Variants in RANBP17 observed in about 807,000 individuals in gnomAD.
RANBP17 encodes RAN binding protein 17, also known as ran-binding protein 17.
A neutral mutation model predicts 141.2 loss-of-function variants in RANBP17; 158 were observed. The observed-to-expected ratio is 1.12, with a 90% CI of 0.98 to 1.28. The LOEUF is 1.28. Ranked by LOEUF, RANBP17 falls within the 50% of genes most tolerant of loss-of-function variation. The pLI is 0.00. For missense variants in RANBP17, 1,438 were observed against 1,290.7 expected, an observed-to-expected ratio of 1.11 and a Z score of -1.75; for synonymous variants, 430 against 450.0, an observed-to-expected ratio of 0.96 and a Z score of 0.56.
chr5:171,218,478 T>C (rs892646858), intron 21 of RANBP17, among the ~76,000 whole-genome samples: 6 of 152,320 alleles, frequency 3.9e-5, no homozygotes, highest in African/African-American at 1.2e-4. Flanking sequence ...CTGTCTAATA[T>C]TGACAGTGGG....
intron 1 of RANBP17, among the ~76,000 whole-genome samples, chr5:170,875,615 A>G (rs891265058): frequency 2.0e-5 from 3 of 152,154 alleles, no homozygotes; most frequent in South Asian, 2.1e-4. Context: ...ATACTTGTGT[A>G]TGCTTCACAA....
intron 18 of RANBP17, among the ~76,000 whole-genome samples, chr5:171,194,584 A>G (rs1398184326): frequency 6.6e-6 from 1 of 152,146 alleles, no homozygotes; most frequent in Non-Finnish European, 1.5e-5. Flanking sequence ...TGGATGTGCC[A>G]TATTTTGTTT....
intron 14 of RANBP17, among the ~76,000 whole-genome samples, chr5:171,129,707 T>C (rs571234438): frequency 1.2e-4 from 19 of 152,310 alleles, no homozygotes; most frequent in African/African-American, 4.1e-4. Flanking sequence ...TTATAGAGAA[T>C]TTTCTCTTCA....
intron 26 of RANBP17, 37 bp downstream of exon 26, chr5:171,294,018 C>T (rs778149437): frequency 6.9e-7 from 1 of 1,453,848 alleles, no homozygotes; most frequent in East Asian, 2.3e-5. Flanking sequence ...GAGGTGGTCC[C>T]TGGGAGAAGA....
At chr5:171,252,015 T>G (rs914630537) in intron 24 of RANBP17, 3 of 1,607,774 alleles carry the variant, frequency 1.9e-6, no homozygotes, top group Non-Finnish European at 2.6e-6. Context: ...AAACAGTTCT[T>G]GCATAGAAGA....
chr5:171,132,379 T>C (rs527781985), intron 14 of RANBP17, among the ~76,000 whole-genome samples: 15 of 146,922 alleles, frequency 1.0e-4, no homozygotes, highest in African/African-American at 3.5e-4. Context: ...CTTTAGTTGT[T>C]TTTTTTTTTT....
intron 5 of RANBP17, chr5:170,904,084 TG>T: frequency 4.6e-6 from 2 of 437,520 alleles, no homozygotes; most frequent in South Asian, 4.2e-5. Flanking sequence ...TGTGTGCTCA[TG>T]GTTAGAGGAA....
At chr5:171,008,560 G>A (rs1395702041) in intron 14 of RANBP17, among the ~76,000 whole-genome samples, 1 of 152,220 alleles carries the variant, frequency 6.6e-6, no homozygotes, top group Non-Finnish European at 1.5e-5. Context: ...ACAGGTTTTG[G>A]GATAGGCAGT....
chr5:171,147,339 T>TGTGTGTG (rs1554105339), intron 14 of RANBP17, among the ~76,000 whole-genome samples: 15 of 104,850 alleles, frequency 1.4e-4, no homozygotes, highest in Non-Finnish European at 2.8e-4. Flanking sequence ...CTTGGTTGTT[T>TGTGTGTG]TGTGTGTGTG....
chr5:171,091,443 G>A (rs1157989228), intron 14 of RANBP17, among the ~76,000 whole-genome samples: 2 of 152,148 alleles, frequency 1.3e-5, no homozygotes, highest in Non-Finnish European at 2.9e-5. Context: ...TAGGCAGAAG[G>A]GTCTTGTCTC....
At chr5:171,104,333 G>C (rs1787393608) in intron 14 of RANBP17, among the ~76,000 whole-genome samples, 1 of 152,076 alleles carries the variant, frequency 6.6e-6, no homozygotes, top group Non-Finnish European at 1.5e-5. Flanking sequence ...CACCGCGCCT[G>C]GCCTGTCCTC....
chr5:170,898,317 C>T (rs945012833), intron 5 of RANBP17, among the ~76,000 whole-genome samples: 5 of 152,082 alleles, frequency 3.3e-5, no homozygotes, highest in Admixed American at 6.5e-5. Flanking sequence ...TTGTTGGCCA[C>T]ATAAGTGTCG....
intron 14 of RANBP17, among the ~76,000 whole-genome samples, chr5:171,006,489 C>T (rs1023250120): frequency 3.9e-5 from 6 of 152,014 alleles, no homozygotes; most frequent in African/African-American, 9.7e-5. Context: ...AGCAAACTAT[C>T]GCAAGGACAA....
intron 14 of RANBP17, among the ~76,000 whole-genome samples, chr5:171,055,592 G>T (rs533482698): frequency 6.6e-6 from 1 of 151,998 alleles, no homozygotes; most frequent in South Asian, 2.1e-4. Context: ...TCATAAAGCT[G>T]AGCCTAACCA....
chr5:171,266,723 C>T lies in RANBP17; in HGVS notation c.2943+876C>T, dbSNP rs575521382. Among the ~76,000 whole-genome samples, 5 of 152,148 alleles carry T rather than the reference C, an allele frequency of 3.3e-5. No homozygotes were observed. In the East Asian group the frequency reaches 7.8e-4, roughly 24 times the overall value. On this transcript the variant is annotated intron_variant, in intron 25 of 27. Coordinates refer to ENST00000523189, the MANE Select transcript of RANBP17 (RefSeq NM_022897.5). ...GGTCAGGAGTTCAAGACCAGCCTGA[C>T]CAATATGGTCAAACCCCATCTCTAC...
intron 3 of RANBP17, among the ~76,000 whole-genome samples, chr5:170,889,005 G>T (rs987408423): frequency 4.6e-5 from 7 of 151,648 alleles, no homozygotes; most frequent in African/African-American, 1.7e-4. Flanking sequence ...TTGATGTGAT[G>T]GATTACATTA....
At chr5:171,100,995 T>C (rs1355620794) in intron 14 of RANBP17, among the ~76,000 whole-genome samples, 1 of 152,214 alleles carries the variant, frequency 6.6e-6, no homozygotes, top group African/African-American at 2.4e-5. Flanking sequence ...TCTTTTGCAT[T>C]TGCTGAGGAG....
intron 14 of RANBP17, among the ~76,000 whole-genome samples, chr5:171,155,090 A>T (rs1305038146): frequency 9.5e-4 from 101 of 106,764 alleles, no homozygotes; most frequent in African/African-American, 3.1e-3. Flanking sequence ...AAAAAAAAAA[A>T]AAAAATATAT....
At chr5:171,077,904 AT>A (rs1314064487) in intron 14 of RANBP17, among the ~76,000 whole-genome samples, 4 of 152,186 alleles carry the variant, frequency 2.6e-5, no homozygotes, top group Non-Finnish European at 4.4e-5. Context: ...TCCTAACTCT[AT>A]TCACTTCTAT....
Sources: gnomAD v4.1 joint callset for allele counts (sites outside exome capture counted in the v4.1 genomes callset) on GRCh38, gnomAD v4.1.1 for gene constraint, MANE v1.5 for transcripts, NCBI Gene and HGNC (gene_info 2026-07-23, HGNC 2026-07-21) for gene names.